Variants in TMEM244 observed in about 807,000 individuals in gnomAD.
TMEM244 encodes the protein transmembrane protein 244, also known as putative transmembrane protein 244.
A neutral mutation model predicts 15.8 loss-of-function variants in TMEM244; 13 were observed. The observed-to-expected ratio is 0.82, with a 90% confidence interval of 0.53 to 1.30. The LOEUF is 1.30. TMEM244 is among the 50% of genes most tolerant of loss of function. The probability of loss-of-function intolerance (pLI) is 0.00; values close to 1 mark genes in which losing one functional copy is unlikely to be tolerated. For missense variants in TMEM244, 161 were observed against 144.9 expected (o/e 1.11, Z -0.57); for synonymous variants, 45 against 48.7 (o/e 0.92, Z 0.32).
chr6:129,852,372 A>G (rs1351336929), intron 1 of TMEM244, among the ~76,000 whole-genome samples: 1 of 152,214 alleles, frequency 6.6e-6, no homozygotes, highest in Non-Finnish European at 1.5e-5. Flanking sequence ...CAAGACGCCA[A>G]GCAAGCCACT....
intron 1 of TMEM244, among the ~76,000 whole-genome samples, chr6:129,856,438 A>C (rs1436394376): frequency 1.3e-5 from 2 of 152,138 alleles, no homozygotes; most frequent in Non-Finnish European, 2.9e-5. Flanking sequence ...AAAAGGATAG[A>C]GCTTGCATTA....
At chr6:129,857,390 CTG>C (rs1459586075) in intron 1 of TMEM244, among the ~76,000 whole-genome samples, 1 of 151,860 alleles carries the variant, frequency 6.6e-6, no homozygotes, top group African/African-American at 2.4e-5. Context: ...GAGTCTCGCT[CTG>C]TCACCCAGAC....
intron 3 of TMEM244, among the ~76,000 whole-genome samples, chr6:129,843,003 G>A (rs533298078): frequency 6.2e-4 from 94 of 151,724 alleles, no homozygotes; most frequent in African/African-American, 2.1e-3. Flanking sequence ...ACTATTTTGG[G>A]AAGAAAAATA....
intron 1 of TMEM244, among the ~76,000 whole-genome samples, chr6:129,853,252 A>G (rs891137909): frequency 3.3e-5 from 5 of 152,094 alleles, no homozygotes; most frequent in African/African-American, 7.2e-5. Flanking sequence ...GAAAAATTCA[A>G]TGCTGTTCCC....
At chr6:129,831,868 G>A (rs1330265454) in intron 4 of TMEM244, among the ~76,000 whole-genome samples, 2 of 152,152 alleles carry the variant, frequency 1.3e-5, no homozygotes, top group Non-Finnish European at 2.9e-5. Flanking sequence ...AAATATCAGT[G>A]GCTGTCTTGC....
At chr6:129,833,648 C>T in intron 3 of TMEM244, 63 bp from the exon 4 acceptor site, 1 of 1,501,176 alleles carries the variant, frequency 6.7e-7, no homozygotes, top group Non-Finnish European at 9.0e-7. Context: ...TGAAATACAA[C>T]TAGTAACAAG....
At chr6:129,839,482 G>A (rs1038018198) in intron 3 of TMEM244, among the ~76,000 whole-genome samples, 1 of 152,164 alleles carries the variant, frequency 6.6e-6, no homozygotes, top group African/African-American at 2.4e-5. Context: ...ATACTGAATG[G>A]GCAAAAACTG....
intron 3 of TMEM244, among the ~76,000 whole-genome samples, chr6:129,836,723 G>GATGTTAA (rs1776414099): frequency 6.6e-6 from 1 of 152,192 alleles, no homozygotes; most frequent in African/African-American, 2.4e-5. Context: ...GTGTGGAGAT[G>GATGTTAA]ATGTTAAATG....
intron 4 of TMEM244, among the ~76,000 whole-genome samples, chr6:129,833,054 G>T (rs1159410556): frequency 6.6e-6 from 1 of 152,052 alleles, no homozygotes; most frequent in Admixed American, 6.6e-5. Context: ...GAAAAATGAT[G>T]CAGGGAAAAC....
chr6:129,858,318 G>T (rs2114648595), intron 1 of TMEM244, among the ~76,000 whole-genome samples: 1 of 152,228 alleles, frequency 6.6e-6, no homozygotes, highest in East Asian at 1.9e-4. Flanking sequence ...AGACTTAGGA[G>T]AATTCTTTTG....
rs1584188601 is a variant in TMEM244, at chr6:129,847,889, C to T, written c.34-2037G>A. 2.0e-5 allele frequency among the ~76,000 whole-genome samples: 3 copies of T among 151,722 alleles called. No homozygotes were observed. The East Asian group carries it at 5.8e-4, about 29-fold the overall frequency. On this transcript the variant is annotated intron_variant, in intron 1 of 4. Coordinates refer to ENST00000368143, the MANE Select transcript of TMEM244 (RefSeq NM_001010876.2). ...TCCCGGGTTCAAGCGATTCTCCTTCCTCAGCCTCCCTGGTAGCTGGGATTA... is the reference window on the plus strand; with the variant it reads ...TCCCGGGTTCAAGCGATTCTCCTTCTTCAGCCTCCCTGGTAGCTGGGATTA...
At chr6:129,836,032 C>T (rs772963399) in intron 3 of TMEM244, among the ~76,000 whole-genome samples, 1 of 152,174 alleles carries the variant, frequency 6.6e-6, no homozygotes, top group Non-Finnish European at 1.5e-5. Flanking sequence ...TTTAAACGTC[C>T]CGTCTGACAG....
At chr6:129,843,235 A>T (rs1462658404) in intron 3 of TMEM244, among the ~76,000 whole-genome samples, 1 of 152,120 alleles carries the variant, frequency 6.6e-6, no homozygotes, top group Non-Finnish European at 1.5e-5. Context: ...TTAAGTCATT[A>T]TTCTTCCTTT....
chr6:129,848,589 CA>C (rs113875979), intron 1 of TMEM244, among the ~76,000 whole-genome samples: 39 of 148,460 alleles, frequency 2.6e-4, no homozygotes, highest in African/African-American at 6.6e-4. Context: ...CTTCAAAGAT[CA>C]AAAAAAAAAT....
Position 129,843,567 on chromosome 6 carries a change from G to C in TMEM244, c.156C>G (p.Phe52Leu), listed in dbSNP as rs757028265. 3 of 1,612,048 alleles carry C rather than the reference G, an allele frequency of 1.9e-6. No individual in the cohort carries two copies. In the Admixed American group the frequency reaches 5.0e-5, roughly 27 times the overall value. The change falls in exon 3 of 5, where the codon TTC becomes TTG. Residue 52 changes from phenylalanine (F) to leucine (L), a missense_variant. Transcript: ENST00000368143. ...TGTTGAGCCATGAGGGATTTGTTTTGAAATCAAATGGAGCCAGGACATTCA... is the reference window on the plus strand; with the variant it reads ...TGTTGAGCCATGAGGGATTTGTTTTCAAATCAAATGGAGCCAGGACATTCA... The part of the protein sequence containing the change: ...HELNVLAPFD[F>L]KTNPSWLNIN...
intron 1 of TMEM244, among the ~76,000 whole-genome samples, chr6:129,857,275 A>G (rs1426039809): frequency 6.6e-6 from 1 of 151,788 alleles, no homozygotes; most frequent in Non-Finnish European, 1.5e-5. Flanking sequence ...GATCTGATTG[A>G]ATGGAATAGT....
chr6:129,844,810 A>T (rs1278608158), intron 2 of TMEM244, among the ~76,000 whole-genome samples: 1 of 152,232 alleles, frequency 6.6e-6, no homozygotes, highest in Non-Finnish European at 1.5e-5. Context: ...AGCATGCTGA[A>T]TAACATTCTT....
intron 3 of TMEM244, among the ~76,000 whole-genome samples, chr6:129,835,908 G>C (rs956351979): frequency 2.0e-5 from 3 of 152,188 alleles, no homozygotes; most frequent in Non-Finnish European, 2.9e-5. Context: ...AAGAGGCCTG[G>C]AAGCACGAAC....
At chr6:129,838,503 C>T (rs1584182628) in intron 3 of TMEM244, among the ~76,000 whole-genome samples, 1 of 152,048 alleles carries the variant, frequency 6.6e-6, no homozygotes, top group African/African-American at 2.4e-5. Context: ...AAAATTGACA[C>T]CCTAACATCA....
Sources: allele counts gnomAD v4.1 joint callset (sites outside exome capture counted in the v4.1 genomes callset), GRCh38; gene constraint gnomAD v4.1.1; transcripts MANE v1.5; gene names NCBI Gene and HGNC (gene_info 2026-07-23, HGNC 2026-07-21).